Variants in MKLN1 observed in about 807,000 individuals in gnomAD.
MKLN1 encodes the protein muskelin 1.
Under a neutral mutation model 99.0 loss-of-function variants are expected in MKLN1, and 18 were observed. The observed-to-expected ratio is 0.18, with a 90% CI of 0.13 to 0.27. The LOEUF (loss-of-function observed/expected upper bound fraction) is 0.27. Among genes scored for constraint, MKLN1 ranks in the 10% least tolerant of loss-of-function variants. The pLI is 1.00. For missense variants in MKLN1, 621 were observed against 875.9 expected, an observed-to-expected ratio of 0.71 and a Z score of 3.67; for synonymous variants, 288 against 293.2, an observed-to-expected ratio of 0.98 and a Z score of 0.18.
intron 1 of MKLN1, among the ~76,000 whole-genome samples, chr7:131,366,226 A>C (rs1292031361): frequency 4.6e-5 from 7 of 152,192 alleles, no homozygotes; most frequent in Non-Finnish European, 8.8e-5. Flanking sequence ...TTCTAGTTGA[A>C]GTTGATTTTT....
At chr7:131,436,046 T>C (rs1411749710) in intron 9 of MKLN1, among the ~76,000 whole-genome samples, 1 of 152,186 alleles carries the variant, frequency 6.6e-6, no homozygotes, top group Non-Finnish European at 1.5e-5. Context: ...ACTCCGTCTT[T>C]GTTTTTGAGA....
At chr7:131,363,475 T>A (rs897097161) in intron 1 of MKLN1, among the ~76,000 whole-genome samples, 1 of 152,028 alleles carries the variant, frequency 6.6e-6, no homozygotes, top group Admixed American at 6.6e-5. Context: ...TAAGAGAGTA[T>A]TTGTTGGTAG....
upstream of MKLN1, among the ~76,000 whole-genome samples, chr7:131,322,939 A>G (rs900406723): frequency 3.9e-5 from 6 of 152,108 alleles, no homozygotes; most frequent in Admixed American, 2.0e-4. Context: ...AGCATGGGGG[A>G]AACTGCCTCC....
chr7:131,255,209 TGAG>T (rs1250593118), intron 3 of MKLN1, among the ~76,000 whole-genome samples: 1 of 152,136 alleles, frequency 6.6e-6, no homozygotes, highest in Non-Finnish European at 1.5e-5. Flanking sequence ...CCCAAAGTGC[TGAG>T]ATTATAGGTG....
intron 16 of MKLN1, among the ~76,000 whole-genome samples, chr7:131,478,006 G>A (rs193248190): frequency 6.6e-6 from 1 of 152,016 alleles, no homozygotes; most frequent in Non-Finnish European, 1.5e-5. Context: ...CAATTACATT[G>A]TCTGTTTTAA....
At chr7:131,366,186 A>G (rs1408028614) in intron 1 of MKLN1, among the ~76,000 whole-genome samples, 1 of 152,216 alleles carries the variant, frequency 6.6e-6, no homozygotes, top group African/African-American at 2.4e-5. Context: ...TATCTAACCA[A>G]TTAGTGACCA....
At chr7:131,465,473 T>C (rs1796632245) in intron 14 of MKLN1, among the ~76,000 whole-genome samples, 1 of 152,236 alleles carries the variant, frequency 6.6e-6, no homozygotes, top group African/African-American at 2.4e-5. Context: ...ATGTTTTTAA[T>C]GTTATTTCAC....
At chr7:131,274,547 G>C (rs1036317751) in intron 3 of MKLN1, among the ~76,000 whole-genome samples, 4 of 151,676 alleles carry the variant, frequency 2.6e-5, no homozygotes, top group Admixed American at 6.6e-5. Context: ...GTAGGCTGAG[G>C]GGGGAGGATC....
chr7:131,328,033 C>T, intron 1 of MKLN1, 36 bp downstream of exon 1: 1 of 1,608,622 alleles, frequency 6.2e-7, no homozygotes, highest in East Asian at 2.2e-5. Flanking sequence ...CTGCCCCACC[C>T]TTCCGCGTCA....
At chr7:131,314,485 C>T (rs992336752) in intron 3 of MKLN1, among the ~76,000 whole-genome samples, 10 of 152,074 alleles carry the variant, frequency 6.6e-5, no homozygotes, top group African/African-American at 1.4e-4. Flanking sequence ...TGCAGTGGTA[C>T]GATCTCGGCT....
intron 8 of MKLN1, among the ~76,000 whole-genome samples, chr7:131,426,808 G>T (rs1367208768): frequency 6.6e-6 from 1 of 151,736 alleles, no homozygotes; most frequent in Non-Finnish European, 1.5e-5. Flanking sequence ...AGGCTGGAGT[G>T]CAGTGGTGCG....
chr7:131,199,256 TAAAA>T (rs71769046), intron 2 of MKLN1, among the ~76,000 whole-genome samples: 1 of 145,014 alleles, frequency 6.9e-6, no homozygotes, highest in African/African-American at 2.5e-5. Context: ...GAACTCACAT[TAAAA>T]AAAAAAAAAA....
At chr7:131,429,274 GT>G (rs894190679) in intron 9 of MKLN1, 129 bp downstream of exon 9, 5 of 567,096 alleles carry the variant, frequency 8.8e-6, no homozygotes, top group Admixed American at 3.6e-5. Flanking sequence ...TGGTAAACAA[GT>G]TTTTTTTAAG....
chr7:131,435,978 C>G (rs1343827252), intron 9 of MKLN1, among the ~76,000 whole-genome samples: 1 of 151,786 alleles, frequency 6.6e-6, no homozygotes, highest in East Asian at 1.9e-4. Context: ...CTATTATTCT[C>G]TTATTAAAAT....
intron 2 of MKLN1, among the ~76,000 whole-genome samples, chr7:131,149,815 C>T (rs12112661): frequency 0.093 from 14,090 of 152,024 alleles, 805 homozygotes; most frequent in South Asian, 0.18. Context: ...AACAAGTGAC[C>T]CTTGTTGGAA....
chr7:131,460,722 T>C (rs747360141), intron 12 of MKLN1, among the ~76,000 whole-genome samples: 1 of 152,180 alleles, frequency 6.6e-6, no homozygotes, highest in African/African-American at 2.4e-5. Context: ...GTAGACAACA[T>C]GTAAATGAAT....
chr7:131,227,159 G>T (rs1189774069), intron 3 of MKLN1, among the ~76,000 whole-genome samples: 1 of 152,108 alleles, frequency 6.6e-6, no homozygotes, highest in Non-Finnish European at 1.5e-5. Context: ...TCCCTGCAGT[G>T]TCCTGACACC....
Position 131,389,110 on chromosome 7 carries a change from T to G in MKLN1, c.400+138T>G, listed in dbSNP as rs1794118826. ...GGGAATATTGCTGCGCTGGTTTGTT[T>G]ACATATTGTCTGTATCTGCTTTTGT... On this transcript the variant is annotated intron_variant, in intron 4 of 17. Coordinates refer to ENST00000352689, the MANE Select transcript of MKLN1 (RefSeq NM_013255.5). 18 of 553,462 alleles carry G rather than the reference T, an allele frequency of 3.3e-5. 1 individual carries two copies. The South Asian group carries it at 4.5e-4, about 14-fold the overall frequency. 34.3% of individuals were successfully genotyped at this position (553,462 alleles called of 1,614,324 possible).
Position 131,490,838 on chromosome 7 carries a change from A to C in MKLN1, c.*3110A>C, listed in dbSNP as rs925407964. On this transcript the variant is annotated 3_prime_UTR_variant, in exon 18 of 18. Coordinates refer to ENST00000352689, the MANE Select transcript of MKLN1 (RefSeq NM_013255.5). ...TCTTCACATCTGCCTTAAAAGTGCT[A>C]TGTAGAGATACATTAACAGAGTTAT... 12 of 152,608 alleles carry C rather than the reference A, an allele frequency of 7.9e-5. No individual in the cohort carries two copies. The highest frequency in any genetic ancestry group is 7.9e-4 in the Admixed American group (12 of 15,264). The allele number at this position is 152,608 out of a possible 1,614,324, so 9.5% of individuals were successfully genotyped here. A position where few individuals can be genotyped will look rare whatever the true frequency, so the allele number is the denominator to read the frequency against.
Sources: allele counts gnomAD v4.1 joint callset (sites outside exome capture counted in the v4.1 genomes callset), GRCh38; gene constraint gnomAD v4.1.1; transcripts MANE v1.5; gene names NCBI Gene and HGNC (gene_info 2026-07-23, HGNC 2026-07-21).